Variants in TF observed in about 807,000 individuals in gnomAD.
The protein encoded by TF is serotransferrin.
A neutral mutation model predicts 82.4 loss-of-function variants in TF; 55 were observed. The observed-to-expected ratio is 0.67, with a 90% CI of 0.54 to 0.84. The LOEUF is 0.84. Among genes scored for constraint, TF ranks in the 40% least tolerant of loss-of-function variants. The probability of loss-of-function intolerance (pLI) is 0.00; values close to 1 mark genes in which losing one functional copy is unlikely to be tolerated. For missense variants in TF, 737 were observed against 868.4 expected (o/e 0.85, Z 1.90); for synonymous variants, 332 against 332.6 (o/e 1.00, Z 0.02).
the TF span, among the ~76,000 whole-genome samples, chr3:133,720,142 A>G: frequency 6.6e-6 from 1 of 152,102 alleles, no homozygotes; most frequent in African/African-American, 2.4e-5. Flanking sequence ...TAAGATGAAT[A>G]GAAGTGGTGA....
chr3:133,677,237 T>G, the TF span, among the ~76,000 whole-genome samples: 96 of 152,364 alleles, frequency 6.3e-4, no homozygotes, highest in Non-Finnish European at 1.0e-3. Context: ...TGGGCTCTGA[T>G]TACCTCTGCT....
the TF span, among the ~76,000 whole-genome samples, chr3:133,714,046 G>A: frequency 3.3e-5 from 5 of 152,320 alleles, no homozygotes; most frequent in East Asian, 9.6e-4. Context: ...AAGGTGGTCA[G>A]GGCAGGCCTC....
At chr3:133,708,811 G>T in the TF span, among the ~76,000 whole-genome samples, 7 of 150,326 alleles carry the variant, frequency 4.7e-5, no homozygotes, top group Non-Finnish European at 1.0e-4. Context: ...TGCCAGCAAA[G>T]TCTTCTCTGA....
rs752530884 is a variant in TF, at chr3:133,757,948, T to G, written c.1048+2T>G. On this transcript the variant is annotated splice_donor_variant, in intron 8 of 16. Transcript: ENST00000402696. LOFTEE classifies it high-confidence loss of function. ...TCCGGAATCTACGGGAAGGCACATGTGAGTACCTGGGAAGAACCAGGTGAC... is the reference window on the plus strand; with the variant it reads ...TCCGGAATCTACGGGAAGGCACATGGGAGTACCTGGGAAGAACCAGGTGAC... 32 of 1,614,028 alleles carry G rather than the reference T, an allele frequency of 2.0e-5. No individual in the cohort carries two copies. Among genetic ancestry groups the G allele is most frequent in the Non-Finnish European group, 2.6e-5 (31 of 1,179,978 alleles).
the TF span, among the ~76,000 whole-genome samples, chr3:133,727,783 G>A: frequency 8.0e-6 from 1 of 124,946 alleles, no homozygotes; most frequent in South Asian, 3.4e-4. Context: ...TGATTTTGCA[G>A]CAGCTGGTAC....
chr3:133,692,331 C>G, the TF span, among the ~76,000 whole-genome samples: 1 of 152,346 alleles, frequency 6.6e-6, no homozygotes, highest in East Asian at 1.9e-4. Context: ...TGGCCTCAGT[C>G]TGACTCTTGC....
intron 5 of TF, chr3:133,755,725 C>T (rs190430742): frequency 2.5e-4 from 151 of 595,908 alleles, no homozygotes; most frequent in Non-Finnish European, 1.2e-4. Flanking sequence ...CCCTTCCTTT[C>T]TCCCCAGAGC....
intron 9 of TF, chr3:133,761,227 A>G (rs951442350): frequency 1.4e-5 from 3 of 214,236 alleles, no homozygotes; most frequent in Admixed American, 1.2e-4. Context: ...AAGGATTCCC[A>G]GACTGGAGGA....
intron 1 of TF, among the ~76,000 whole-genome samples, chr3:133,747,588 A>T (rs1237256307): frequency 6.6e-6 from 1 of 152,216 alleles, no homozygotes; most frequent in East Asian, 1.9e-4. Context: ...TGTGATAGGG[A>T]TGCTGTCTCT....
the TF span, among the ~76,000 whole-genome samples, chr3:133,703,458 C>A: frequency 2.0e-5 from 3 of 152,160 alleles, no homozygotes; most frequent in Admixed American, 2.0e-4. Context: ...ACAAATTTAA[C>A]CTTTCTGCTT....
At position 133,758,015 on chromosome 3, in the gene TF, T is replaced by C. The variant is rs953134124; in HGVS notation, c.1048+69T>C. On this transcript the variant is annotated intron_variant, in intron 8 of 16. Transcript: ENST00000402696. ...ACCTGGTGAGCACAGGGGCCAGAGA[T>C]TGAGTCTTTTCAGGGACCTGCACGC... The C allele has an allele frequency of 1.4e-5, 21 of 1,519,912 alleles. No individual in the cohort carries two copies. In the Admixed American group the frequency reaches 1.9e-4, roughly 14 times the overall value. The allele number at this position is 1,519,912 out of a possible 1,614,324, so 94.2% of individuals were successfully genotyped here.
Position 133,778,710 on chromosome 3 carries a change from T to C in TF, c.*90T>C. On this transcript the variant is annotated 3_prime_UTR_variant, in exon 17 of 17. Transcript: ENST00000402696. Reference sequence around the variant, plus strand: ...TGGTTTCACTGGCCCAAGTGGTTTGTGCTAACCACGTCTGTCTTCACAGCT... The same window carrying C: ...TGGTTTCACTGGCCCAAGTGGTTTGCGCTAACCACGTCTGTCTTCACAGCT... The C allele has an allele frequency of 2.9e-6, 4 of 1,373,708 alleles. No homozygotes were observed. Among genetic ancestry groups the C allele is most frequent in the Non-Finnish European group, 4.1e-6 (4 of 971,168 alleles). The allele number at this position is 1,373,708 out of a possible 1,614,324, so 85.1% of individuals were successfully genotyped here.
chr3:133,732,960 A>G, the TF span, among the ~76,000 whole-genome samples: 1 of 152,178 alleles, frequency 6.6e-6, no homozygotes, highest in Non-Finnish European at 1.5e-5. Flanking sequence ...TGGTGTCTTC[A>G]GTCAGGGAGA....
At chr3:133,714,340 G>A in the TF span, among the ~76,000 whole-genome samples, 1 of 152,188 alleles carries the variant, frequency 6.6e-6, no homozygotes, top group South Asian at 2.1e-4. Flanking sequence ...TGTGAACAAT[G>A]TATGAGGCTC....
the TF span, among the ~76,000 whole-genome samples, chr3:133,680,144 AT>A: frequency 1.3e-5 from 2 of 150,850 alleles, no homozygotes; most frequent in African/African-American, 4.9e-5. Context: ...ATTTTTCTCC[AT>A]TTTTTTTAAA....
At chr3:133,707,331 A>G in the TF span, among the ~76,000 whole-genome samples, 1 of 152,202 alleles carries the variant, frequency 6.6e-6, no homozygotes, top group Non-Finnish European at 1.5e-5. Context: ...CATGGACCGC[A>G]GTGTGGTAGG....
Position 133,748,436 on chromosome 3 carries a change from A to T in TF, c.68A>T (p.Lys23Ile), listed in dbSNP as rs1347422067. 6.2e-7 allele frequency: 1 copy of T among 1,613,964 alleles called. No homozygotes were observed. Among genetic ancestry groups the T allele is most frequent in the African/African-American group, 1.3e-5 (1 of 74,876 alleles). The change falls in exon 2 of 17, where the codon AAA (lysine) becomes ATA (isoleucine). Residue 23 changes from lysine (K) to isoleucine (I), a missense_variant. Lys to Ile is a moderately radical substitution (Grantham distance 102, BLOSUM62 -3). Coordinates refer to ENST00000402696, the MANE Select transcript of TF (RefSeq NM_001063.4). The part of the protein sequence containing the change: ...VLGLCLAVPD[K>I]TVRWCAVSEH... ...GGGCTGTGTCTGGCTGTCCCTGATA[A>T]AACTGTGAGATGGTGTGCAGTGTCG...
chr3:133,695,347 A>T, the TF span, among the ~76,000 whole-genome samples: 1 of 150,234 alleles, frequency 6.7e-6, no homozygotes, highest in South Asian at 2.1e-4. Flanking sequence ...TCCTGGGTTC[A>T]AGCGATTCTC....
chr3:133,744,352 C>T (rs1266458663), upstream of TF, among the ~76,000 whole-genome samples: 1 of 152,186 alleles, frequency 6.6e-6, no homozygotes, highest in African/African-American at 2.4e-5. Context: ...CTCAACCTTT[C>T]GTAACTGCAC....
Sources: gnomAD v4.1 joint callset for allele counts (sites outside exome capture counted in the v4.1 genomes callset) on GRCh38, gnomAD v4.1.1 for gene constraint, MANE v1.5 for transcripts, NCBI Gene and HGNC (gene_info 2026-07-23, HGNC 2026-07-21) for gene names.